ZMAT3: variants seen among roughly 807,000 people sequenced by gnomAD.
ZMAT3 encodes the protein zinc finger matrin-type protein 3.
In ZMAT3, 17 loss-of-function variants were observed where a neutral mutation model predicts 32.3. The ratio of observed to expected loss-of-function variants is 0.53; its 90% confidence interval spans 0.36 to 0.79. ZMAT3 has a LOEUF of 0.79. Ranked by LOEUF, ZMAT3 falls within the 30% of genes least tolerant of loss-of-function variation. The pLI, the probability that ZMAT3 is intolerant of heterozygous loss-of-function variation, is 0.00. For missense variants in ZMAT3, 329 were observed against 359.7 expected (o/e 0.91, Z 0.69); for synonymous variants, 120 against 133.1 (o/e 0.90, Z 0.68).
intron 2 of ZMAT3, among the ~76,000 whole-genome samples, chr3:179,035,831 C>T (rs1041785422): frequency 5.3e-5 from 8 of 152,102 alleles, no homozygotes; most frequent in South Asian, 2.1e-4. Context: ...GAATGTATCA[C>T]GGAAGACTTC....
chr3:179,026,688 G>T (rs1291240409), intron 5 of ZMAT3, among the ~76,000 whole-genome samples: 1 of 152,098 alleles, frequency 6.6e-6, no homozygotes, highest in Non-Finnish European at 1.5e-5. Context: ...AGCCTGGCCT[G>T]AATTGTGCTT....
chr3:179,027,322 A>T, intron 5 of ZMAT3, 101 bp downstream of exon 5: 1 of 1,026,282 alleles, frequency 9.7e-7, no homozygotes, highest in Non-Finnish European at 1.4e-6. Flanking sequence ...AACACTGACT[A>T]ACTCCAAATT....
intron 3 of ZMAT3, among the ~76,000 whole-genome samples, chr3:179,030,572 T>C (rs1469995226): frequency 6.6e-6 from 1 of 152,146 alleles, no homozygotes; most frequent in Non-Finnish European, 1.5e-5. Flanking sequence ...GCCATGATGG[T>C]CTCGATCTCT....
chr3:179,029,324 C>T (rs1360537265), intron 3 of ZMAT3, among the ~76,000 whole-genome samples: 1 of 152,122 alleles, frequency 6.6e-6, no homozygotes, highest in East Asian at 1.9e-4. Flanking sequence ...CTCTAAGTCG[C>T]TGCAAGCATT....
chr3:179,064,850 T>C (rs1378213764), intron 2 of ZMAT3, among the ~76,000 whole-genome samples: 5 of 152,208 alleles, frequency 3.3e-5, no homozygotes, highest in South Asian at 2.1e-4. Flanking sequence ...CACCCACTTC[T>C]AGAGTTATGT....
intron 2 of ZMAT3, among the ~76,000 whole-genome samples, chr3:179,057,819 G>T (rs1480719687): frequency 6.6e-6 from 1 of 152,174 alleles, no homozygotes; most frequent in Non-Finnish European, 1.5e-5. Context: ...GGATTCCCAG[G>T]TACGGTGAAA....
At chr3:179,031,303 G>T (rs574487496) in intron 2 of ZMAT3, among the ~76,000 whole-genome samples, 2 of 150,964 alleles carry the variant, frequency 1.3e-5, no homozygotes, top group African/African-American at 4.9e-5. Context: ...TCTACTAGAG[G>T]TCTTGATATC....
In ZMAT3 at chr3:179,067,593, A is replaced by T; in HGVS notation, c.160T>A (p.Ser54Thr). ...GCACAGTCTTGCTCCCCTCCCTTCG[A>T]TAACTCTTCTTCCCCTGCAAGAGGC... ...SLPLAGEEEL[S>T]KGGEQDCALE... The change falls in exon 2 of 6, where the codon TCG becomes ACG. Residue 54 changes from serine to threonine, a missense_variant. Physicochemically the swap from Ser to Thr is moderately conservative, Grantham distance 58. Transcript: ENST00000311417. The T allele has an allele frequency of 6.2e-7, 1 of 1,614,178 alleles. No individual in the cohort carries two copies. The highest frequency in any genetic ancestry group is 8.5e-7 in the Non-Finnish European group (1 of 1,180,028).
intron 2 of ZMAT3, among the ~76,000 whole-genome samples, chr3:179,048,644 C>T (rs1380732276): frequency 6.6e-6 from 1 of 152,092 alleles, no homozygotes; most frequent in African/African-American, 2.4e-5. Flanking sequence ...GCCAGCATTA[C>T]AAGAACTACT....
intron 2 of ZMAT3, among the ~76,000 whole-genome samples, chr3:179,043,131 G>A (rs1374368978): frequency 6.6e-6 from 1 of 152,166 alleles, no homozygotes; most frequent in African/African-American, 2.4e-5. Context: ...TCAATATCGT[G>A]AAAATAGCCA....
At chr3:179,065,196 T>C (rs957378600) in intron 2 of ZMAT3, among the ~76,000 whole-genome samples, 5 of 152,178 alleles carry the variant, frequency 3.3e-5, no homozygotes, top group African/African-American at 1.2e-4. Context: ...TTTACCCTGG[T>C]TTTTAGCTGC....
At chr3:179,037,383 C>T (rs1403054954) in intron 2 of ZMAT3, among the ~76,000 whole-genome samples, 2 of 152,208 alleles carry the variant, frequency 1.3e-5, no homozygotes, top group Non-Finnish European at 2.9e-5. Flanking sequence ...TTTCGGGCAC[C>T]ACCCACATTC....
At chr3:179,044,479 C>T (rs1271045951) in intron 2 of ZMAT3, among the ~76,000 whole-genome samples, 1 of 152,050 alleles carries the variant, frequency 6.6e-6, no homozygotes, top group African/African-American at 2.4e-5. Context: ...CCTGTCTCTA[C>T]TAAAACTACA....
intron 2 of ZMAT3, 125 bp from the exon 3 acceptor site, chr3:179,031,124 A>G: frequency 1.3e-6 from 1 of 753,936 alleles, no homozygotes; most frequent in Non-Finnish European, 2.0e-6. Context: ...CCACATTCAC[A>G]TAATTTCCAT....
intron 2 of ZMAT3, among the ~76,000 whole-genome samples, chr3:179,044,999 TGC>T (rs2108561842): frequency 6.6e-6 from 1 of 151,844 alleles, no homozygotes; most frequent in East Asian, 1.9e-4. Flanking sequence ...CTGCGCATTG[TGC>T]ACATGTACCC....
At chr3:179,028,887 C>T (rs1277892554) in intron 3 of ZMAT3, among the ~76,000 whole-genome samples, 3 of 152,234 alleles carry the variant, frequency 2.0e-5, no homozygotes, top group Middle Eastern at 3.4e-3. Flanking sequence ...GGGCTGGACA[C>T]GGTGGCTCAT....
In ZMAT3 at chr3:179,064,218, C is replaced by A. The variant is rs533626902; in HGVS notation, c.270+3265G>T. ...ACTTCACACAAATGTGTTTCTAGCTCATAAACAGGCTACCCGTGACCCATT... is the reference window on the plus strand; with the variant it reads ...ACTTCACACAAATGTGTTTCTAGCTAATAAACAGGCTACCCGTGACCCATT... On this transcript the variant is annotated intron_variant, in intron 2 of 5. Transcript: ENST00000311417. Among the ~76,000 whole-genome samples, 11 of 152,328 alleles carry A rather than the reference C, an allele frequency of 7.2e-5. No homozygotes were observed. In the South Asian group the frequency reaches 2.1e-3, roughly 29 times the overall value.
intron 2 of ZMAT3, among the ~76,000 whole-genome samples, chr3:179,044,616 C>A (rs1181957004): frequency 3.3e-5 from 5 of 152,054 alleles, no homozygotes; most frequent in Admixed American, 3.3e-4. Context: ...CACACTCCCG[C>A]CTGGACGACA....
intron 2 of ZMAT3, 152 bp downstream of exon 2, chr3:179,067,331 T>A: frequency 1.2e-6 from 1 of 826,884 alleles, no homozygotes; most frequent in Non-Finnish European, 1.9e-6. Flanking sequence ...AGTAAAAACA[T>A]AAGGCTTTTA....
Sources: gnomAD v4.1 joint callset for allele counts (sites outside exome capture counted in the v4.1 genomes callset) on GRCh38, gnomAD v4.1.1 for gene constraint, MANE v1.5 for transcripts, NCBI Gene and HGNC (gene_info 2026-07-23, HGNC 2026-07-21) for gene names.